SPMAP2L: variants seen among roughly 807,000 people sequenced by gnomAD.
SPMAP2L encodes the protein sperm microtubule associated protein 2-like.
chr4:56,586,312 G>T, the SPMAP2L span, among the ~76,000 whole-genome samples: 1 of 152,096 alleles, frequency 6.6e-6, no homozygotes, highest in African/African-American at 2.4e-5. Flanking sequence ...CCCACTCCCT[G>T]GCTTGCAGAC....
chr4:56,580,743 G>A, the SPMAP2L span, among the ~76,000 whole-genome samples: 1 of 151,938 alleles, frequency 6.6e-6, no homozygotes, highest in Non-Finnish European at 1.5e-5. Flanking sequence ...AAATCTTAAG[G>A]AATCTACATA....
the SPMAP2L span, among the ~76,000 whole-genome samples, chr4:56,603,804 C>T: frequency 6.6e-6 from 1 of 152,106 alleles, no homozygotes; most frequent in Non-Finnish European, 1.5e-5. Context: ...AAGTGAAGCT[C>T]TTTTGGAAAA....
the SPMAP2L span, among the ~76,000 whole-genome samples, chr4:56,602,029 T>C: frequency 6.6e-6 from 1 of 152,218 alleles, no homozygotes; most frequent in Non-Finnish European, 1.5e-5. Flanking sequence ...AAGACTTATT[T>C]TTCAATAAAT....
the SPMAP2L span, chr4:56,596,469 T>C: frequency 2.0e-6 from 3 of 1,482,466 alleles, 1 homozygote; most frequent in Middle Eastern, 3.5e-4. Context: ...TACTTGATGC[T>C]TATAAGTACT....
chr4:56,564,260 A>G, the SPMAP2L span, among the ~76,000 whole-genome samples: 1 of 151,762 alleles, frequency 6.6e-6, no homozygotes, highest in Non-Finnish European at 1.5e-5. Flanking sequence ...CAGCCTCCCA[A>G]GTAGCTGGGA....
chr4:56,600,626 T>G, the SPMAP2L span, among the ~76,000 whole-genome samples: 2 of 152,160 alleles, frequency 1.3e-5, no homozygotes, highest in Non-Finnish European at 2.9e-5. Context: ...CGATATGATC[T>G]GATTTGGGCT....
chr4:56,606,283 C>T, the SPMAP2L span, among the ~76,000 whole-genome samples: 30 of 152,290 alleles, frequency 2.0e-4, no homozygotes, highest in African/African-American at 7.2e-4. Flanking sequence ...TTCATTCTTC[C>T]TCCTTCTGAT....
chr4:56,568,346 T>C, the SPMAP2L span, among the ~76,000 whole-genome samples: 3 of 152,226 alleles, frequency 2.0e-5, no homozygotes, highest in Admixed American at 6.5e-5. Flanking sequence ...AGTTTTTTAT[T>C]GGGTACCAAA....
chr4:56,545,745 G>C, the SPMAP2L span, among the ~76,000 whole-genome samples: 1 of 149,696 alleles, frequency 6.7e-6, no homozygotes, highest in Non-Finnish European at 1.5e-5. Context: ...AAAGCAGTTG[G>C]AACCCTTAAT....
chr4:56,560,462 T>C, the SPMAP2L span, among the ~76,000 whole-genome samples: 10 of 152,324 alleles, frequency 6.6e-5, no homozygotes, highest in African/African-American at 1.9e-4. Context: ...TGTCCTCTCA[T>C]AGGAATTTTG....
At chr4:56,582,090 C>A in the SPMAP2L span, among the ~76,000 whole-genome samples, 3 of 152,092 alleles carry the variant, frequency 2.0e-5, no homozygotes, top group African/African-American at 7.2e-5. Flanking sequence ...GCATACTTCT[C>A]TGTGATCTTG....
At chr4:56,577,259 G>T in the SPMAP2L span, among the ~76,000 whole-genome samples, 1 of 152,078 alleles carries the variant, frequency 6.6e-6, no homozygotes, top group Non-Finnish European at 1.5e-5. Context: ...ATAAAAATTA[G>T]CCAGGTGTGG....
At chr4:56,594,779 G>A in the SPMAP2L span, 2 of 1,523,066 alleles carry the variant, frequency 1.3e-6, no homozygotes, top group Non-Finnish European at 1.8e-6. Context: ...GGTGTTTGAA[G>A]AGAACATCAG....
the SPMAP2L span, among the ~76,000 whole-genome samples, chr4:56,553,228 T>C: frequency 6.7e-6 from 1 of 149,184 alleles, no homozygotes; most frequent in Non-Finnish European, 1.5e-5. Context: ...TTTCACTCTG[T>C]TTCTCAGGCT....
At chr4:56,596,720 C>G in the SPMAP2L span, 1 of 1,284,414 alleles carries the variant, frequency 7.8e-7, no homozygotes, top group Non-Finnish European at 1.0e-6. Flanking sequence ...AGCCCAAAGT[C>G]ACTGGAAAAG....
chr4:56,556,502 T>C, the SPMAP2L span, among the ~76,000 whole-genome samples: 1 of 152,234 alleles, frequency 6.6e-6, no homozygotes, highest in Non-Finnish European at 1.5e-5. Context: ...TCTGGAAATA[T>C]GGATTTGGCA....
the SPMAP2L span, among the ~76,000 whole-genome samples, chr4:56,569,396 T>C: frequency 6.6e-6 from 1 of 152,250 alleles, no homozygotes; most frequent in Non-Finnish European, 1.5e-5. Context: ...TCCTTAATAA[T>C]TTTTGATGTT....
At chr4:56,594,299 C>A in the SPMAP2L span, 1 of 1,544,002 alleles carries the variant, frequency 6.5e-7, no homozygotes, top group African/African-American at 1.4e-5. Flanking sequence ...AGACATTTCC[C>A]TTGTTCACAG....
the SPMAP2L span, among the ~76,000 whole-genome samples, chr4:56,607,726 G>A: frequency 3.3e-5 from 5 of 152,134 alleles, no homozygotes; most frequent in Admixed American, 6.5e-5. Context: ...GGTGGCTCCC[G>A]GCTGTAATCC....
Sources: allele counts gnomAD v4.1 joint callset (sites outside exome capture counted in the v4.1 genomes callset), GRCh38; gene constraint gnomAD v4.1.1; transcripts MANE v1.5; gene names NCBI Gene and HGNC (gene_info 2026-07-23, HGNC 2026-07-21).